Variants in FKBP9 observed in about 807,000 individuals in gnomAD.
The protein encoded by FKBP9 is peptidyl-prolyl cis-trans isomerase FKBP9.
In FKBP9, 27 loss-of-function variants were observed where a neutral mutation model predicts 55.6. That is an observed-to-expected ratio of 0.49 (90% confidence interval 0.36 to 0.67). The LOEUF is 0.67. Among genes scored for constraint, FKBP9 ranks in the 30% least tolerant of loss-of-function variants. The pLI is 0.00. For missense variants in FKBP9, 539 were observed against 742.8 expected, an observed-to-expected ratio of 0.73 and a Z score of 3.19; for synonymous variants, 267 against 296.5, an observed-to-expected ratio of 0.90 and a Z score of 1.02.
At chr7:32,997,436 C>T (rs1330022068) in intron 7 of FKBP9, among the ~76,000 whole-genome samples, 3 of 152,026 alleles carry the variant, frequency 2.0e-5, no homozygotes, top group Admixed American at 1.3e-4. Flanking sequence ...AGGCTGGTCT[C>T]GAACTCCTGA....
chr7:33,003,309 C>T (rs1453818563), intron 9 of FKBP9, among the ~76,000 whole-genome samples: 1 of 152,180 alleles, frequency 6.6e-6, no homozygotes, highest in East Asian at 1.9e-4. Flanking sequence ...CTGGGGAATT[C>T]CAGCTCCCTG....
Position 32,974,770 on chromosome 7 carries a change from T to G in FKBP9, c.367+8T>G. 6.2e-7 allele frequency: 1 copy of G among 1,612,096 alleles called. No individual in the cohort carries two copies. The highest frequency in any genetic ancestry group is 8.5e-7 in the Non-Finnish European group (1 of 1,179,054). On this transcript the variant is annotated splice_region_variant and intron_variant, in intron 2 of 9. Coordinates refer to ENST00000242209, the MANE Select transcript of FKBP9 (RefSeq NM_007270.5). ...ACGGAAATGAAGGAGTTTGTAAGCT[T>G]TTCTTCCTCGTTTATAAACACGTCA...
intron 1 of FKBP9, among the ~76,000 whole-genome samples, chr7:32,961,060 A>G (rs1412584489): frequency 2.6e-5 from 4 of 152,222 alleles, no homozygotes; most frequent in East Asian, 1.9e-4. Context: ...GCCATAATCT[A>G]TGGTCTGTAG....
At chr7:32,973,901 A>G (rs1281277957) in intron 1 of FKBP9, among the ~76,000 whole-genome samples, 1 of 148,528 alleles carries the variant, frequency 6.7e-6, no homozygotes, top group African/African-American at 2.5e-5. Context: ...CGTGTTGGCC[A>G]GGCTGGTTTC....
intron 5 of FKBP9, among the ~76,000 whole-genome samples, chr7:32,982,439 AT>A (rs1421826294): frequency 1.3e-5 from 2 of 152,096 alleles, no homozygotes; most frequent in Non-Finnish European, 2.9e-5. Flanking sequence ...GTTCTCCTTG[AT>A]TTTTGTTACT....
At chr7:32,968,823 A>C (rs555913403) in intron 1 of FKBP9, among the ~76,000 whole-genome samples, 1 of 147,364 alleles carries the variant, frequency 6.8e-6, no homozygotes, top group African/African-American at 2.5e-5. Flanking sequence ...ATGCCTGGCT[A>C]ATTTTTGTAT....
chr7:32,980,172 AG>A (rs1258782933), intron 4 of FKBP9, among the ~76,000 whole-genome samples, 191 bp from the exon 5 acceptor site: 1 of 151,452 alleles, frequency 6.6e-6, no homozygotes, highest in Non-Finnish European at 1.5e-5. Flanking sequence ...CCTTTTGCTG[AG>A]TCAGGTTTTA....
intron 1 of FKBP9, among the ~76,000 whole-genome samples, chr7:32,967,583 A>G (rs1459239691): frequency 1.3e-5 from 2 of 152,164 alleles, no homozygotes; most frequent in Non-Finnish European, 2.9e-5. Flanking sequence ...AAGGCGGAAT[A>G]ATATTTCATT....
intron 5 of FKBP9, among the ~76,000 whole-genome samples, chr7:32,983,014 G>GTGTGTGTGTGTGTGTA (rs1261838852): frequency 6.7e-6 from 1 of 150,212 alleles, no homozygotes; most frequent in African/African-American, 2.5e-5. Flanking sequence ...GTGTGTGTGT[G>GTGTGTGTGTGTGTGTA]TGTGTGTGTC....
At position 32,961,295 on chromosome 7, in the gene FKBP9, C is replaced by A. The variant is rs556798078; in HGVS notation, c.221+3501C>A. 2.0e-3 allele frequency among the ~76,000 whole-genome samples: 308 copies of A among 152,252 alleles called. 2 individuals carry two copies. Among genetic ancestry groups the A allele is most frequent in the African/African-American group, 7.1e-3 (294 of 41,538 alleles). ...TTGATAAATATTATTATGTGCCTAC[C>A]ACATACCTTTTTGGGTATACAGAGT... On this transcript the variant is annotated intron_variant, in intron 1 of 9. Transcript: ENST00000242209.
At chr7:32,980,654 T>C (rs1306284836) in intron 5 of FKBP9, 101 bp downstream of exon 5, 6 of 1,494,006 alleles carry the variant, frequency 4.0e-6, no homozygotes, top group Non-Finnish European at 5.4e-6. Flanking sequence ...TGCTGATTTG[T>C]AGTTGGCATT....
intron 6 of FKBP9, among the ~76,000 whole-genome samples, chr7:32,995,583 G>A (rs1163291653): frequency 6.6e-6 from 1 of 152,132 alleles, no homozygotes; most frequent in African/African-American, 2.4e-5. Flanking sequence ...TTATGGAAAA[G>A]TTAATAAATA....
chr7:32,968,042 A>G (rs1784180796), intron 1 of FKBP9, among the ~76,000 whole-genome samples: 2 of 152,328 alleles, frequency 1.3e-5, no homozygotes, highest in East Asian at 1.9e-4. Flanking sequence ...GGCGTGAGCC[A>G]CCGCGCCCAG....
intron 4 of FKBP9, 145 bp from the exon 5 acceptor site, chr7:32,980,219 G>A (rs1784448184): frequency 7.7e-6 from 5 of 649,826 alleles, no homozygotes; most frequent in Non-Finnish European, 1.3e-5. Context: ...ACACCATGGG[G>A]GCCCATTCAA....
At chr7:32,965,812 A>AATAT (rs57598279) in intron 1 of FKBP9, among the ~76,000 whole-genome samples, 25 of 34,938 alleles carry the variant, frequency 7.2e-4, no homozygotes, top group East Asian at 2.3e-3. Context: ...AAAAAAAAAA[A>AATAT]ATATATATAT....
At chr7:32,964,736 G>A (rs1457604201) in intron 1 of FKBP9, among the ~76,000 whole-genome samples, 4 of 152,216 alleles carry the variant, frequency 2.6e-5, no homozygotes, top group Admixed American at 6.5e-5. Context: ...CTGTTTGAGG[G>A]AAATAGTCTT....
At chr7:33,004,448 G>A (rs1284337885) in intron 9 of FKBP9, among the ~76,000 whole-genome samples, 1 of 152,136 alleles carries the variant, frequency 6.6e-6, no homozygotes, top group African/African-American at 2.4e-5. Context: ...CCAGGCATGC[G>A]TCCACCTTGA....
chr7:32,979,574 C>A (rs1471690910), intron 4 of FKBP9: 2 of 1,549,360 alleles, frequency 1.3e-6, no homozygotes, highest in South Asian at 2.4e-5. Flanking sequence ...CATGATATAA[C>A]AAATGGCAGG....
At chr7:32,992,139 A>G (rs1401605653) in intron 6 of FKBP9, among the ~76,000 whole-genome samples, 4 of 149,160 alleles carry the variant, frequency 2.7e-5, no homozygotes, top group South Asian at 2.1e-4. Context: ...GTTGATACCC[A>G]TATGTGGAGA....
Sources: gnomAD v4.1 joint callset for allele counts (sites outside exome capture counted in the v4.1 genomes callset) on GRCh38, gnomAD v4.1.1 for gene constraint, MANE v1.5 for transcripts, NCBI Gene and HGNC (gene_info 2026-07-23, HGNC 2026-07-21) for gene names.